Variants in KAZN observed in about 807,000 individuals in gnomAD.
KAZN encodes kazrin.
Under a neutral mutation model 87.4 loss-of-function variants are expected in KAZN, and 40 were observed. That is an observed-to-expected ratio of 0.46 (90% confidence interval 0.36 to 0.60). The LOEUF (loss-of-function observed/expected upper bound fraction) is 0.60. Ranked by LOEUF, KAZN falls within the 20% of genes least tolerant of loss-of-function variation. The pLI is 0.00. For missense variants in KAZN, 898 were observed against 1,073.9 expected (o/e 0.84, Z 2.29); for synonymous variants, 466 against 458.3 (o/e 1.02, Z -0.22).
chr1:14,713,524 C>A (rs553917995), intron 1 of KAZN, among the ~76,000 whole-genome samples: 1 of 152,064 alleles, frequency 6.6e-6, no homozygotes, highest in African/African-American at 2.4e-5. Flanking sequence ...TTTTGGTTAT[C>A]ACAACTGAAT....
chr1:15,106,571 G>A (rs1180017759), intron 13 of KAZN, among the ~76,000 whole-genome samples: 1 of 152,096 alleles, frequency 6.6e-6, no homozygotes, highest in African/African-American at 2.4e-5. Flanking sequence ...AATAGGGTGG[G>A]TTCTTATGTT....
intron 1 of KAZN, among the ~76,000 whole-genome samples, chr1:14,126,590 G>T (rs898933926): frequency 2.6e-5 from 4 of 151,840 alleles, no homozygotes; most frequent in African/African-American, 9.7e-5. Flanking sequence ...GACAGACATG[G>T]CATAAATATC....
intron 1 of KAZN, among the ~76,000 whole-genome samples, chr1:14,157,984 C>G (rs567876014): frequency 1.1e-4 from 16 of 152,114 alleles, no homozygotes; most frequent in Non-Finnish European, 2.2e-4. Context: ...CCCTCATGAG[C>G]CAATCACCTC....
intron 1 of KAZN, among the ~76,000 whole-genome samples, chr1:13,896,104 A>G (rs1280856247): frequency 6.6e-6 from 1 of 151,758 alleles, no homozygotes; most frequent in East Asian, 1.9e-4. Flanking sequence ...TGGTCCTGCC[A>G]CCTCTGCCTC....
intron 2 of KAZN, among the ~76,000 whole-genome samples, chr1:14,477,777 C>T (rs1320899455): frequency 6.6e-6 from 1 of 152,186 alleles, no homozygotes; most frequent in African/African-American, 2.4e-5. Flanking sequence ...GGCAGTGCAC[C>T]TGGAGGACAG....
At chr1:13,938,002 C>T (rs2100958999) in intron 1 of KAZN, among the ~76,000 whole-genome samples, 1 of 152,216 alleles carries the variant, frequency 6.6e-6, no homozygotes, top group East Asian at 1.9e-4. Context: ...AGTATTTTGG[C>T]TATTCAGACT....
intron 1 of KAZN, among the ~76,000 whole-genome samples, chr1:14,759,909 C>A (rs747292221): frequency 1.3e-5 from 2 of 152,150 alleles, no homozygotes; most frequent in African/African-American, 4.8e-5. Flanking sequence ...TGCATTGTGG[C>A]TCCTCTTCCA....
chr1:14,702,532 C>G (rs980983271), intron 1 of KAZN, among the ~76,000 whole-genome samples: 4 of 152,196 alleles, frequency 2.6e-5, no homozygotes, highest in Admixed American at 6.5e-5. Flanking sequence ...TTCACTGACT[C>G]TCCATGAAAC....
chr1:14,603,914 G>C (rs575880562), intron 1 of KAZN, among the ~76,000 whole-genome samples: 2 of 152,284 alleles, frequency 1.3e-5, no homozygotes, highest in African/African-American at 4.8e-5. Flanking sequence ...GGTCAAGCTT[G>C]GGATTTGGCC....
At chr1:14,781,184 T>C (rs1056208603) in intron 1 of KAZN, among the ~76,000 whole-genome samples, 2 of 152,174 alleles carry the variant, frequency 1.3e-5, no homozygotes, top group Non-Finnish European at 2.9e-5. Flanking sequence ...TAGCCGGGCA[T>C]GGTGGCAGGC....
At chr1:14,831,766 C>T (rs1444240239) in intron 1 of KAZN, among the ~76,000 whole-genome samples, 6 of 152,142 alleles carry the variant, frequency 3.9e-5, no homozygotes, top group Admixed American at 6.5e-5. Context: ...TGCTGAGGCT[C>T]GGGTGGGCCC....
At chr1:14,728,718 C>A (rs560227349) in intron 1 of KAZN, among the ~76,000 whole-genome samples, 4 of 152,312 alleles carry the variant, frequency 2.6e-5, no homozygotes, top group Non-Finnish European at 1.5e-5. Context: ...GGACAGCAGC[C>A]TCGCCTTACA....
chr1:14,561,523 A>C (rs188879741), intron 2 of KAZN, among the ~76,000 whole-genome samples: 1 of 152,166 alleles, frequency 6.6e-6, no homozygotes, highest in Non-Finnish European at 1.5e-5. Flanking sequence ...AGAAATGCAG[A>C]TCAGTGGCTG....
At chr1:14,698,135 A>G (rs1641717208) in intron 1 of KAZN, among the ~76,000 whole-genome samples, 1 of 152,198 alleles carries the variant, frequency 6.6e-6, no homozygotes, top group African/African-American at 2.4e-5. Context: ...ATTCCTAGGG[A>G]ACGGGTGTGA....
chr1:14,194,711 G>C (rs1231845144), intron 2 of KAZN, among the ~76,000 whole-genome samples: 1 of 152,202 alleles, frequency 6.6e-6, no homozygotes, highest in Non-Finnish European at 1.5e-5. Flanking sequence ...AGCAGCATGA[G>C]AGTATTTTGG....
At position 14,415,078 on chromosome 1, in the gene KAZN, C is replaced by T. The variant is rs187203079; in HGVS notation, c.250-183905C>T. ...ATACAAAAAAGGAACACAGAGGGAG[C>T]TTCAATTGTATCTACAAAACTTTAA... On this transcript the variant is annotated intron_variant, in intron 2 of 16. Coordinates refer to the KAZN transcript ENST00000636203. 3.3e-5 allele frequency among the ~76,000 whole-genome samples: 5 copies of T among 152,160 alleles called. No homozygotes were observed. The East Asian group carries it at 7.7e-4, about 24-fold the overall frequency.
At chr1:14,886,471 GAC>G (rs915833012) in intron 1 of KAZN, among the ~76,000 whole-genome samples, 2 of 150,828 alleles carry the variant, frequency 1.3e-5, no homozygotes, top group African/African-American at 4.9e-5. Context: ...CACAGAGAGA[GAC>G]AGAGAGAGAG....
chr1:14,728,011 C>T (rs12738632), intron 1 of KAZN, among the ~76,000 whole-genome samples: 46,210 of 151,412 alleles, frequency 0.31, 7,174 homozygotes, highest in South Asian at 0.37. Context: ...GCTGGCCGGG[C>T]GCGGTGCCTC....
intron 2 of KAZN, among the ~76,000 whole-genome samples, chr1:14,247,596 G>A (rs142226000): frequency 1.4e-3 from 213 of 152,296 alleles, no homozygotes; most frequent in African/African-American, 4.8e-3. Flanking sequence ...AAGGAAATGG[G>A]TAGACCAATA....
Sources: gnomAD v4.1 joint callset for allele counts (sites outside exome capture counted in the v4.1 genomes callset) on GRCh38, gnomAD v4.1.1 for gene constraint, MANE v1.5 for transcripts, NCBI Gene and HGNC (gene_info 2026-07-23, HGNC 2026-07-21) for gene names.